Variants in XRN1 observed in about 807,000 individuals in gnomAD.
The protein encoded by XRN1 is 5'-3' exoribonuclease 1, also known as strand-exchange protein 1 homolog.
Under a neutral mutation model 222.3 loss-of-function variants are expected in XRN1, and 67 were observed. The ratio of observed to expected loss-of-function variants is 0.30; its 90% CI spans 0.25 to 0.37. The LOEUF (loss-of-function observed/expected upper bound fraction) is 0.37. XRN1 is among the 10% of genes least tolerant of loss of function. XRN1 has a pLI of 1.00. For synonymous variants in XRN1, 643 were observed against 652.4 expected, an observed-to-expected ratio of 0.99 and a Z score of 0.22; for missense variants, 1,707 against 2,000.2, an observed-to-expected ratio of 0.85 and a Z score of 2.80.
chr3:142,310,796 G>C lies in XRN1; in HGVS notation c.*715C>G, dbSNP rs540721207. ...CTAGAAATTACTAATGCTGGTTCTT[G>C]AGTAACCTAAAAAATTGTATTTACT... On this transcript the variant is annotated 3_prime_UTR_variant, in exon 41 of 41. Transcript: ENST00000392981. The C allele has an allele frequency of 1.3e-5, 2 of 152,666 alleles. No individual in the cohort carries two copies. Among genetic ancestry groups the C allele is most frequent in the East Asian group, 3.9e-4 (2 of 5,176 alleles). The allele number at this position is 152,666 out of a possible 1,614,324, so 9.5% of individuals were successfully genotyped here. A position where few individuals can be genotyped will look rare whatever the true frequency, so the allele number is the denominator to read the frequency against.
intron 29 of XRN1, among the ~76,000 whole-genome samples, chr3:142,362,263 A>G (rs1026966763): frequency 6.6e-6 from 1 of 151,760 alleles, no homozygotes; most frequent in Non-Finnish European, 1.5e-5. Context: ...TCAGCCTCCC[A>G]AGTAGCTGGG....
intron 1 of XRN1, among the ~76,000 whole-genome samples, chr3:142,436,744 T>C (rs1410242620): frequency 2.0e-5 from 3 of 152,178 alleles, no homozygotes; most frequent in Non-Finnish European, 2.9e-5. Flanking sequence ...GCATAATATA[T>C]ATCATCAAGT....
At position 142,422,917 on chromosome 3, in the gene XRN1, C is replaced by A. The variant is rs771431757; in HGVS notation, c.716G>T (p.Cys239Phe). The A allele has an allele frequency of 1.2e-6, 2 of 1,610,264 alleles. No homozygotes were observed. The highest frequency in any genetic ancestry group is 3.4e-5 in the Admixed American group (2 of 59,636). Residue 239 changes from cysteine (C) to phenylalanine (F), a missense_variant, in exon 7 of 41, where the codon TGT becomes TTT. Coordinates refer to ENST00000392981, the MANE Select transcript of XRN1 (RefSeq NM_001282857.2). ...GTGAAATGTAGTTTCTTCTGGAGCA[C>A]ATACCCTGGAATTAGTCAGATGATC... ...RFGGKKTQRV[C>F]APEETTFHLL...
At chr3:142,403,629 T>TA in intron 18 of XRN1, 45 bp downstream of exon 18, 1 of 1,552,170 alleles carries the variant, frequency 6.4e-7, no homozygotes, top group Non-Finnish European at 8.9e-7. Flanking sequence ...TACAGTTTAA[T>TA]ACATTATAGG....
intron 29 of XRN1, among the ~76,000 whole-genome samples, chr3:142,360,629 C>T (rs2066591824): frequency 6.6e-6 from 1 of 151,682 alleles, no homozygotes; most frequent in African/African-American, 2.4e-5. Context: ...CTTTGGGAGG[C>T]CGAGGCAGGT....
At position 142,326,415 on chromosome 3, in the gene XRN1, G is replaced by A. The variant is rs1464009115; in HGVS notation, c.4404+3019C>T. On this transcript the variant is annotated intron_variant, in intron 37 of 40. Coordinates refer to ENST00000392981, the MANE Select transcript of XRN1 (RefSeq NM_001282857.2). ...TTTCTAGGTATTTTATTTATTTGTA[G>A]CTATTCTGCAGGGGATTAATTTCTT... is the stretch of plus-strand genomic sequence containing the variant. Among the ~76,000 whole-genome samples the A allele has an allele frequency of 4.0e-5, 6 of 151,858 alleles. No homozygotes were observed. The East Asian group carries it at 1.2e-3, about 29-fold the overall frequency.
chr3:142,422,030 C>T (rs1402814780), intron 8 of XRN1, among the ~76,000 whole-genome samples: 1 of 152,112 alleles, frequency 6.6e-6, no homozygotes, highest in Non-Finnish European at 1.5e-5. Flanking sequence ...ATAAAGTATG[C>T]TGGCTTTCTT....
intron 24 of XRN1, 132 bp from the exon 25 acceptor site, chr3:142,376,076 T>C: frequency 7.3e-7 from 1 of 1,360,968 alleles, no homozygotes. Context: ...TGATTATTCT[T>C]CTATATTTTA....
chr3:142,312,252 C>T (rs2065097442), intron 40 of XRN1, among the ~76,000 whole-genome samples: 1 of 151,860 alleles, frequency 6.6e-6, no homozygotes, highest in East Asian at 1.9e-4. Flanking sequence ...TGCGTTCCAG[C>T]CTGGGCTACA....
chr3:142,412,997 T>C (rs1368939066), intron 14 of XRN1, among the ~76,000 whole-genome samples: 3 of 152,208 alleles, frequency 2.0e-5, no homozygotes, highest in African/African-American at 7.2e-5. Context: ...TCAGACTTCA[T>C]TTCAGTTCAT....
rs149501791 is a variant in XRN1, at chr3:142,324,711, A to C, written c.4404+4723T>G. Among the ~76,000 whole-genome samples the C allele has an allele frequency of 8.5e-3, 1,285 of 152,046 alleles. 41 individuals are homozygous for C. The highest frequency in any genetic ancestry group is 0.029 in the African/African-American group (1,177 of 41,276). On this transcript the variant is annotated intron_variant, in intron 37 of 40. Coordinates refer to ENST00000392981, the MANE Select transcript of XRN1 (RefSeq NM_001282857.2). ...GGTTGAACTAGTTTACAGTCCCAAC[A>C]ACAGTGTAAAAGTGTTCCTATTTCC...
At chr3:142,396,737 C>G (rs939062839) in intron 20 of XRN1, among the ~76,000 whole-genome samples, 9 of 152,128 alleles carry the variant, frequency 5.9e-5, no homozygotes, top group African/African-American at 2.2e-4. Context: ...ATTTCATGTG[C>G]CAATGCCAGC....
chr3:142,398,775 A>G (rs55851924), intron 19 of XRN1, among the ~76,000 whole-genome samples: 2,417 of 152,300 alleles, frequency 0.016, 60 homozygotes, highest in African/African-American at 0.055. Context: ...GTTAAATGAC[A>G]CTAAAAGGAA....
rs913452275 is a variant in XRN1, at chr3:142,447,620, G to A, written c.75+250C>T. Among the ~76,000 whole-genome samples the A allele has an allele frequency of 2.0e-5, 3 of 152,172 alleles. No individual in the cohort carries two copies. Among genetic ancestry groups the A allele is most frequent in the Non-Finnish European group, 4.4e-5 (3 of 68,026 alleles). On this transcript the variant is annotated intron_variant, in intron 1 of 40. Transcript: ENST00000392981. The surrounding 1 kb of genome is among the most constrained non-coding windows in gnomAD (Gnocchi z 4.2). ...GGACTTCATTTCGGAGTCGCGGAAGGACCAGCAGAAGCAAGAGCTGTCAGA... is the reference window on the plus strand; with the variant it reads ...GGACTTCATTTCGGAGTCGCGGAAGAACCAGCAGAAGCAAGAGCTGTCAGA...
chr3:142,416,946 T>C (rs1198607456), intron 13 of XRN1, among the ~76,000 whole-genome samples, 194 bp downstream of exon 13: 4 of 149,866 alleles, frequency 2.7e-5, no homozygotes, highest in African/African-American at 9.9e-5. Context: ...GCAGAATTGC[T>C]TGAACCCAGG....
intron 32 of XRN1, among the ~76,000 whole-genome samples, chr3:142,348,481 T>A (rs1047972275): frequency 6.6e-6 from 1 of 152,200 alleles, no homozygotes. Flanking sequence ...TTCTATCAGA[T>A]CCTTTCATTT....
chr3:142,337,296 T>G (rs1262219479), intron 33 of XRN1, among the ~76,000 whole-genome samples: 1 of 152,182 alleles, frequency 6.6e-6, no homozygotes, highest in African/African-American at 2.4e-5. Context: ...TCTGTTTTAC[T>G]TTTTCATCAT....
chr3:142,422,460 A>G, intron 8 of XRN1, 122 bp downstream of exon 8: 1 of 1,082,108 alleles, frequency 9.2e-7, no homozygotes, highest in Non-Finnish European at 1.3e-6. Flanking sequence ...TTAGACCAAA[A>G]TAAATCCTCA....
intron 20 of XRN1, among the ~76,000 whole-genome samples, chr3:142,391,294 T>A (rs2067702514): frequency 6.6e-6 from 1 of 152,202 alleles, no homozygotes; most frequent in Admixed American, 6.5e-5. Flanking sequence ...TGGCTGTATT[T>A]CGATGCTTCT....
Sources: allele counts gnomAD v4.1 joint callset (sites outside exome capture counted in the v4.1 genomes callset), GRCh38; gene constraint gnomAD v4.1.1; non-coding constraint Gnocchi (gnomAD v3.1); transcripts MANE v1.5; gene names NCBI Gene and HGNC (gene_info 2026-07-23, HGNC 2026-07-21).